The following MYO5C variants were observed in gnomAD, a reference collection of about 807,000 sequenced individuals.
The protein encoded by MYO5C is unconventional myosin-Vc.
MYO5C carries 194 observed loss-of-function variants against 235.7 expected under a neutral mutation model. The ratio of observed to expected loss-of-function variants is 0.82; its 90% CI spans 0.73 to 0.93. The LOEUF (loss-of-function observed/expected upper bound fraction) is 0.93, where lower values mean the gene tolerates loss of function less well. Among genes scored for constraint, MYO5C ranks in the 40% least tolerant of loss-of-function variants. The pLI, the probability that MYO5C is intolerant of heterozygous loss-of-function variation, is 0.00. For missense variants in MYO5C, 2,038 were observed against 2,127.2 expected (o/e 0.96, Z 0.82); for synonymous variants, 707 against 754.8 (o/e 0.94, Z 1.04).
chr15:52,264,506 C>T (rs375825832), intron 8 of MYO5C, among the ~76,000 whole-genome samples: 2 of 152,204 alleles, frequency 1.3e-5, no homozygotes, highest in East Asian at 3.8e-4. Context: ...CAGGTTTCCC[C>T]TCTGCCATGG....
chr15:52,263,663 T>A (rs1393491968), intron 9 of MYO5C, among the ~76,000 whole-genome samples: 1 of 152,126 alleles, frequency 6.6e-6, no homozygotes, highest in Non-Finnish European at 1.5e-5. Context: ...TCTTCCCCCA[T>A]CCACAGGCAC....
At chr15:52,247,920 C>G (rs2036388666) in intron 14 of MYO5C, among the ~76,000 whole-genome samples, 1 of 152,192 alleles carries the variant, frequency 6.6e-6, no homozygotes, top group Admixed American at 6.5e-5. Context: ...TCTCCTCCCT[C>G]CTACTCCACA....
chr15:52,259,759 C>T (rs903961498), intron 10 of MYO5C, among the ~76,000 whole-genome samples: 2 of 152,240 alleles, frequency 1.3e-5, no homozygotes, highest in Non-Finnish European at 2.9e-5. Context: ...AACAAAGCAG[C>T]TCCCTTGACT....
rs767236111 is a variant in MYO5C at position 52,253,478 on chromosome 15, C to T, written c.1396-21G>A. 5.6e-6 allele frequency: 9 copies of T among 1,605,324 alleles called. No homozygotes were observed. The South Asian group carries it at 6.7e-5, about 12-fold the overall frequency. On this transcript the variant is annotated intron_variant, in intron 11 of 40. Transcript: ENST00000261839. ...ACATGCTGGGAATCCAAAGTTAATA[C>T]AGAAAGTAAAACAGAATATTAAAAT... is the stretch of plus-strand genomic sequence containing the variant.
intron 8 of MYO5C, 47 bp from the exon 9 acceptor site, chr15:52,264,343 G>T: frequency 7.0e-7 from 1 of 1,424,846 alleles, no homozygotes; most frequent in Non-Finnish European, 9.8e-7. Flanking sequence ...TCTCTTCTCT[G>T]ACTAGTAAGA....
intron 32 of MYO5C, 141 bp downstream of exon 32, chr15:52,218,378 T>G (rs570083278): frequency 1.1e-6 from 1 of 871,376 alleles, no homozygotes; most frequent in East Asian, 2.7e-5. Flanking sequence ...CCACCTGTCT[T>G]TTGGGATAAG....
chr15:52,235,717 T>C lies in MYO5C; in HGVS notation c.2915A>G (p.Lys972Arg). 6.2e-7 allele frequency: 1 copy of C among 1,612,796 alleles called. No homozygotes were observed. Among genetic ancestry groups the C allele is most frequent in the Non-Finnish European group, 8.5e-7 (1 of 1,179,320 alleles). Residue 972 changes from lysine (K) to arginine (R), a missense_variant, in exon 23 of 41, where the codon AAA becomes AGA. Lys to Arg is a conservative substitution (Grantham distance 26, BLOSUM62 2). Coordinates refer to ENST00000261839, the MANE Select transcript of MYO5C (RefSeq NM_018728.4). ...TTGAAGCTTCAGCTGTATTTGTTCT[T>C]TCTGTGTTTCCAGTTCTGAATTATG... is the stretch of plus-strand genomic sequence containing the variant. ...QKHNSELETQKEQIQLKLQEK... is the reference protein window; with the variant it reads ...QKHNSELETQREQIQLKLQEK...
At chr15:52,251,738 C>T (rs1222903487) in intron 12 of MYO5C, among the ~76,000 whole-genome samples, 1 of 151,946 alleles carries the variant, frequency 6.6e-6, no homozygotes, top group African/African-American at 2.4e-5. Flanking sequence ...GATCTTGGCT[C>T]ACTGCAACCT....
chr15:52,211,809 T>G lies in MYO5C; in HGVS notation c.4217A>C (p.Tyr1406Ser). ...PAHILFMCVR[Y>S]ADSLNDANML... ...GTTGGCATCATTCAGAGAGTCTGCG[T>G]AGCGCACACACATGAACAGGATATG... Residue 1406 changes from tyrosine to serine, a missense_variant, in exon 35 of 41, where the codon TAC (tyrosine) becomes TCC (serine). Tyr to Ser is a moderately radical substitution (Grantham distance 144). Transcript: ENST00000261839. 1 of 1,614,174 alleles carries G rather than the reference T, an allele frequency of 6.2e-7. No individual in the cohort carries two copies. The highest frequency in any genetic ancestry group is 8.5e-7 in the Non-Finnish European group (1 of 1,180,008).
At chr15:52,279,775 T>G in intron 2 of MYO5C, 101 bp from the exon 3 acceptor site, 1 of 1,129,170 alleles carries the variant, frequency 8.9e-7, no homozygotes. Flanking sequence ...ATCAGAGTCA[T>G]CACTGACATT....
chr15:52,204,778 A>C, intron 38 of MYO5C, 87 bp downstream of exon 38: 1 of 1,467,930 alleles, frequency 6.8e-7, no homozygotes, highest in Non-Finnish European at 9.1e-7. Context: ...ACGCCACAGC[A>C]GGGAGGGTCA....
At chr15:52,247,808 T>C (rs1437970701) in intron 14 of MYO5C, among the ~76,000 whole-genome samples, 1 of 151,902 alleles carries the variant, frequency 6.6e-6, no homozygotes, top group Non-Finnish European at 1.5e-5. Flanking sequence ...AGAAGAAAAG[T>C]GTGTAAATGT....
Position 52,261,691 on chromosome 15 carries a change from G to A in MYO5C, c.1048-564C>T, listed in dbSNP as rs532101267. Among the ~76,000 whole-genome samples the A allele has an allele frequency of 3.9e-5, 6 of 152,334 alleles. No homozygotes were observed. In the South Asian group the frequency reaches 8.3e-4, roughly 21 times the overall value. On this transcript the variant is annotated intron_variant, in intron 9 of 40. Coordinates refer to ENST00000261839, the MANE Select transcript of MYO5C (RefSeq NM_018728.4). ...GTGGGACTTTTCCTGAATACACAAA[G>A]TGAAATCTTGCTTCTCCCCCAAGCC... is the stretch of plus-strand genomic sequence containing the variant.
chr15:52,278,767 C>A, intron 4 of MYO5C, 106 bp downstream of exon 4: 1 of 1,375,890 alleles, frequency 7.3e-7, no homozygotes, highest in Admixed American at 2.0e-5. Context: ...TCTGGCCTAT[C>A]TCTTTTAATG....
In MYO5C at chr15:52,256,057, T is replaced by C. The variant is rs2140813974; in HGVS notation, c.1395+582A>G. 1.3e-5 allele frequency among the ~76,000 whole-genome samples: 2 copies of C among 152,334 alleles called. 1 individual carries two copies. The highest frequency in any genetic ancestry group is 6.8e-3 in the Middle Eastern group (2 of 294). ...GTGCTGCATGTGCCGAGATAAGCAC[T>C]GGGCTGAGAGAGACAAAGAATGCCA... is the stretch of plus-strand genomic sequence containing the variant. On this transcript the variant is annotated intron_variant, in intron 11 of 40. Transcript: ENST00000261839.
intron 4 of MYO5C, among the ~76,000 whole-genome samples, chr15:52,278,672 C>CTTGA (rs2037099816): frequency 6.6e-6 from 1 of 152,198 alleles, no homozygotes; most frequent in Non-Finnish European, 1.5e-5. Context: ...GAACAAAACC[C>CTTGA]AGGAAACTCC....
chr15:52,198,847 T>TG (rs1877686956), intron 38 of MYO5C, among the ~76,000 whole-genome samples: 1 of 151,996 alleles, frequency 6.6e-6, no homozygotes, highest in African/African-American at 2.4e-5. Flanking sequence ...CCCAAAGTGC[T>TG]GGGATTACAG....
chr15:52,242,452 C>A, intron 19 of MYO5C: 1 of 475,300 alleles, frequency 2.1e-6, no homozygotes. Flanking sequence ...CGATTCACCT[C>A]CACTCAGGTA....
chr15:52,204,503 G>A (rs577293243), intron 38 of MYO5C, among the ~76,000 whole-genome samples: 5 of 152,146 alleles, frequency 3.3e-5, no homozygotes, highest in African/African-American at 4.8e-5. Flanking sequence ...CAAAGGCAGG[G>A]ATCATATCGA....
Sources: gnomAD v4.1 joint callset for allele counts (sites outside exome capture counted in the v4.1 genomes callset) on GRCh38, gnomAD v4.1.1 for gene constraint, MANE v1.5 for transcripts, NCBI Gene and HGNC (gene_info 2026-07-23, HGNC 2026-07-21) for gene names.